LDB2: variants seen among roughly 807,000 people sequenced by gnomAD.
LDB2 encodes LIM domain-binding protein 2.
A neutral mutation model predicts 44.3 loss-of-function variants in LDB2; 12 were observed. The observed-to-expected ratio is 0.27, with a 90% CI of 0.17 to 0.44. The LOEUF (loss-of-function observed/expected upper bound fraction) is 0.44, where lower values mean the gene tolerates loss of function less well. Among genes scored for constraint, LDB2 ranks in the 20% least tolerant of loss-of-function variants. The pLI is 1.00. For missense variants in LDB2, 344 were observed against 473.5 expected (o/e 0.73, Z 2.54); for synonymous variants, 164 against 174.8 (o/e 0.94, Z 0.49).
intron 1 of LDB2, among the ~76,000 whole-genome samples, chr4:16,778,487 C>T (rs569350984): frequency 9.8e-5 from 15 of 152,298 alleles, no homozygotes; most frequent in South Asian, 8.3e-4. Flanking sequence ...ACCATCTCTC[C>T]GCTTATCACA....
intron 2 of LDB2, among the ~76,000 whole-genome samples, chr4:16,739,558 C>T (rs1291331071): frequency 4.0e-5 from 5 of 124,206 alleles, no homozygotes; most frequent in Non-Finnish European, 6.6e-5. Flanking sequence ...TGCACTCCAG[C>T]CTCGGTGACA....
chr4:16,575,328 G>A (rs1747905215), intron 5 of LDB2, among the ~76,000 whole-genome samples: 1 of 152,130 alleles, frequency 6.6e-6, no homozygotes, highest in Non-Finnish European at 1.5e-5. Flanking sequence ...AGGATAAGAT[G>A]TTTTAAAGTC....
chr4:16,650,344 A>G (rs1187744724), intron 2 of LDB2, among the ~76,000 whole-genome samples: 3 of 152,110 alleles, frequency 2.0e-5, no homozygotes, highest in African/African-American at 7.2e-5. Flanking sequence ...TTTGATTATT[A>G]TTATTATCTA....
At chr4:16,705,888 C>T (rs1307652814) in intron 2 of LDB2, among the ~76,000 whole-genome samples, 1 of 152,118 alleles carries the variant, frequency 6.6e-6, no homozygotes, top group East Asian at 1.9e-4. Flanking sequence ...GATAAAGAAA[C>T]AATCCTACTT....
At chr4:16,531,818 G>C (rs1160205482) in intron 5 of LDB2, among the ~76,000 whole-genome samples, 1 of 152,138 alleles carries the variant, frequency 6.6e-6, no homozygotes, top group Non-Finnish European at 1.5e-5. Context: ...TTTTGTCTAG[G>C]AATGTTCTGT....
At chr4:16,591,360 T>G (rs1435496465) in intron 3 of LDB2, among the ~76,000 whole-genome samples, 1 of 152,114 alleles carries the variant, frequency 6.6e-6, no homozygotes, top group African/African-American at 2.4e-5. Flanking sequence ...GTTGGGGACC[T>G]TTCTTGCAGT....
chr4:16,639,686 C>T lies in LDB2; in HGVS notation c.236-43811G>A, dbSNP rs185008062. Among the ~76,000 whole-genome samples the T allele has an allele frequency of 1.3e-3, 196 of 152,330 alleles. 3 individuals carry two copies. The highest frequency in any genetic ancestry group is 6.2e-3 in the South Asian group (30 of 4,826). On this transcript the variant is annotated intron_variant, in intron 2 of 7. Coordinates refer to ENST00000304523, the MANE Select transcript of LDB2 (RefSeq NM_001290.5). Reference sequence around the variant, plus strand: ...GTTTGGTCAGGCTGGTCTCAAACTCCGGACCTCAGGTGATCCGCCCACCTC... The same window carrying T: ...GTTTGGTCAGGCTGGTCTCAAACTCTGGACCTCAGGTGATCCGCCCACCTC...
intron 2 of LDB2, among the ~76,000 whole-genome samples, chr4:16,727,091 G>T (rs1280999573): frequency 1.3e-5 from 2 of 152,206 alleles, no homozygotes; most frequent in Admixed American, 1.3e-4. Flanking sequence ...GCATTTAAAA[G>T]ATGGGTGAGA....
At chr4:16,511,579 T>G (rs543102110) in intron 6 of LDB2, among the ~76,000 whole-genome samples, 1 of 152,128 alleles carries the variant, frequency 6.6e-6, no homozygotes, top group African/African-American at 2.4e-5. Flanking sequence ...TCTTCCTTCC[T>G]TTTCATAATG....
chr4:16,511,335 T>C (rs1721656129), intron 6 of LDB2, among the ~76,000 whole-genome samples: 1 of 151,906 alleles, frequency 6.6e-6, no homozygotes, highest in South Asian at 2.1e-4. Context: ...GAATCGGTGA[T>C]TTCAGAACCC....
intron 1 of LDB2, among the ~76,000 whole-genome samples, chr4:16,844,709 T>C (rs763960252): frequency 4.6e-5 from 7 of 152,194 alleles, no homozygotes; most frequent in Non-Finnish European, 1.0e-4. Context: ...TCCATGACTT[T>C]TTAAGACATT....
At chr4:16,875,101 C>G (rs1469469799) in intron 1 of LDB2, among the ~76,000 whole-genome samples, 1 of 152,078 alleles carries the variant, frequency 6.6e-6, no homozygotes, top group Non-Finnish European at 1.5e-5. Context: ...TCAAAAACAG[C>G]CAACAAGTAT....
chr4:16,646,373 T>G (rs917419522), intron 2 of LDB2, among the ~76,000 whole-genome samples: 14 of 152,340 alleles, frequency 9.2e-5, no homozygotes, highest in Non-Finnish European at 1.9e-4. Flanking sequence ...AACTCTTTAC[T>G]CCACTCTTTT....
chr4:16,681,737 A>AT lies in LDB2; in HGVS notation c.235+77420dup, dbSNP rs200883970. On this transcript the variant is annotated intron_variant, in intron 2 of 7. Transcript: ENST00000304523. ...AGACTCCCGCCACGAGGCCTGGCTC[A>AT]TTTTTTTGTATTTTTAGTAGAGACG... is the stretch of plus-strand genomic sequence containing the variant. 4.6e-3 allele frequency among the ~76,000 whole-genome samples: 642 copies of AT among 138,842 alleles called. 3 individuals are homozygous for AT. The highest frequency in any genetic ancestry group is 0.015 in the African/African-American group (575 of 37,130). 91.1% of individuals were successfully genotyped at this position (138,842 alleles called of 152,430 possible).
chr4:16,847,692 T>C (rs974033400), intron 1 of LDB2, among the ~76,000 whole-genome samples: 10 of 152,150 alleles, frequency 6.6e-5, no homozygotes, highest in African/African-American at 1.4e-4. Context: ...TCTCGGCTCA[T>C]TGCAAGCTCC....
chr4:16,547,037 T>G (rs1736016031), intron 5 of LDB2, among the ~76,000 whole-genome samples: 1 of 152,202 alleles, frequency 6.6e-6, no homozygotes, highest in Non-Finnish European at 1.5e-5. Context: ...GAACACTATT[T>G]GAAAATAAGG....
chr4:16,508,435 ATTTT>A, intron 7 of LDB2, 96 bp downstream of exon 7: 1 of 841,454 alleles, frequency 1.2e-6, no homozygotes, highest in Non-Finnish European at 1.6e-6. Context: ...CCTGCCCAGG[ATTTT>A]TTTTTTTTTT....
chr4:16,654,943 C>T (rs1335703433), intron 2 of LDB2, among the ~76,000 whole-genome samples: 2 of 152,030 alleles, frequency 1.3e-5, no homozygotes, highest in African/African-American at 4.8e-5. Context: ...GAAAGCTCTT[C>T]CCTAATGTCC....
intron 2 of LDB2, among the ~76,000 whole-genome samples, chr4:16,599,708 G>A (rs901098827): frequency 6.6e-6 from 1 of 152,132 alleles, no homozygotes; most frequent in South Asian, 2.1e-4. Flanking sequence ...CAGTGAATGG[G>A]ACAGACAGCC....
Sources: gnomAD v4.1 joint callset for allele counts (sites outside exome capture counted in the v4.1 genomes callset) on GRCh38, gnomAD v4.1.1 for gene constraint, MANE v1.5 for transcripts, NCBI Gene and HGNC (gene_info 2026-07-23, HGNC 2026-07-21) for gene names.